NHS: variants seen among roughly 807,000 people sequenced by gnomAD.
NHS encodes NHS actin remodeling regulator, also known as actin remodeling regulator NHS.
Under a neutral mutation model 72.5 loss-of-function variants are expected in NHS, and 5 were observed. The ratio of observed to expected loss-of-function variants is 0.07; its 90% CI spans 0.04 to 0.14. The LOEUF is 0.14. Among genes scored for constraint, NHS ranks in the 10% least tolerant of loss-of-function variants. NHS has a pLI of 1.00. For missense variants in NHS, 1,072 were observed against 1,355.7 expected (o/e 0.79, Z 3.29); for synonymous variants, 464 against 547.7 (o/e 0.85, Z 2.13).
At chrX:17,458,092 A>G (rs1363434438) in intron 1 of NHS, among the ~76,000 whole-genome samples, 4 of 112,149 alleles carry the variant, frequency 3.6e-5, no homozygotes, top group African/African-American at 1.3e-4. Flanking sequence ...ATGGAGATAT[A>G]TGCATACAGC....
At chrX:17,612,888 C>T (rs937075584) in intron 1 of NHS, among the ~76,000 whole-genome samples, 5 of 111,589 alleles carry the variant, frequency 4.5e-5, no homozygotes, top group Non-Finnish European at 7.5e-5. Flanking sequence ...CCTTGCAAGG[C>T]ATTTCTCTCC....
At chrX:17,674,789 CA>C (rs2147102324) in intron 1 of NHS, among the ~76,000 whole-genome samples, 1 of 112,024 alleles carries the variant, frequency 8.9e-6, no homozygotes, top group Non-Finnish European at 1.9e-5. Context: ...TTCTGGAGAT[CA>C]AAGGCTCTCC....
intron 1 of NHS, among the ~76,000 whole-genome samples, chrX:17,485,748 A>C (rs1372086952): frequency 9.0e-6 from 1 of 111,547 alleles, no homozygotes; most frequent in East Asian, 2.8e-4. Context: ...GGAGAAATGC[A>C]ACTTACTGCC....
intron 1 of NHS, among the ~76,000 whole-genome samples, chrX:17,578,001 A>G (rs1399402165): frequency 8.9e-6 from 1 of 112,345 alleles, no homozygotes; most frequent in Non-Finnish European, 1.9e-5. Context: ...TTCATTCAAC[A>G]AACTTGTTTG....
At chrX:17,437,646 C>A (rs952292651) in intron 1 of NHS, among the ~76,000 whole-genome samples, 2 of 111,648 alleles carry the variant, frequency 1.8e-5, no homozygotes, top group African/African-American at 6.5e-5. Context: ...AGTTGACATT[C>A]GGGTTTTCCT....
In NHS at chrX:17,392,282, A is replaced by G. The variant is rs753134103; in HGVS notation, c.565+15960A>G. ...GCCTGGGTTCCTGAATCACCACATG[A>G]AAGGCTATCTGCCAACACTTGATTT... is the stretch of plus-strand genomic sequence containing the variant. On this transcript the variant is annotated intron_variant, in intron 1 of 8. Transcript: ENST00000676302. 5.3e-5 allele frequency among the ~76,000 whole-genome samples: 6 copies of G among 112,189 alleles called. 1 individual carries two copies. In the South Asian group the frequency reaches 2.3e-3, roughly 42 times the overall value.
intron 3 of NHS, among the ~76,000 whole-genome samples, chrX:17,702,030 C>T (rs184393636): frequency 7.2e-5 from 8 of 110,974 alleles, no homozygotes; most frequent in Non-Finnish European, 1.3e-4. Context: ...ATGGATTTCC[C>T]TACGGGGGAT....
chrX:17,706,908 C>G (rs909173488), intron 3 of NHS, among the ~76,000 whole-genome samples: 1 of 111,930 alleles, frequency 8.9e-6, no homozygotes, highest in Admixed American at 9.5e-5. Context: ...TCTTCTCTTT[C>G]GCAAGCCTAA....
intron 1 of NHS, among the ~76,000 whole-genome samples, chrX:17,477,801 G>A (rs745984647): frequency 6.2e-5 from 7 of 112,162 alleles, no homozygotes; most frequent in African/African-American, 1.6e-4. Context: ...TTCAAGGGAT[G>A]GAGAAATAGA....
At chrX:17,593,788 C>G in intron 1 of NHS, among the ~76,000 whole-genome samples, 1 of 111,508 alleles carries the variant, frequency 9.0e-6, no homozygotes, top group Non-Finnish European at 1.9e-5. Flanking sequence ...ATCCACAATA[C>G]CTGGCTCACA....
At chrX:17,582,699 T>C (rs2065550446) in intron 1 of NHS, among the ~76,000 whole-genome samples, 1 of 112,648 alleles carries the variant, frequency 8.9e-6, no homozygotes, top group Admixed American at 9.3e-5. Context: ...GGGGGCTAAG[T>C]GCTCAGGGGT....
chrX:17,438,002 C>T (rs180882902), intron 1 of NHS, among the ~76,000 whole-genome samples: 21 of 112,028 alleles, frequency 1.9e-4, no homozygotes, highest in Admixed American at 1.4e-3. Flanking sequence ...GTGATAAATA[C>T]GATTTTTATT....
intron 1 of NHS, among the ~76,000 whole-genome samples, chrX:17,538,046 G>C (rs2065238206): frequency 8.9e-6 from 1 of 112,080 alleles, no homozygotes; most frequent in Non-Finnish European, 1.9e-5. Context: ...CTTGCGGAAG[G>C]CCAAGCATTC....
At chrX:17,526,579 G>A (rs900095304) in intron 1 of NHS, among the ~76,000 whole-genome samples, 3 of 111,922 alleles carry the variant, frequency 2.7e-5, no homozygotes, top group Non-Finnish European at 5.6e-5. Context: ...CTCGATGGGA[G>A]GGCTTACAAG....
intron 1 of NHS, among the ~76,000 whole-genome samples, chrX:17,504,364 C>T (rs1437972858): frequency 1.8e-5 from 2 of 112,012 alleles, no homozygotes; most frequent in Admixed American, 1.9e-4. Context: ...TTGAGATTCT[C>T]AGCTAACAAG....
chrX:17,492,192 C>T (rs1342788631), intron 1 of NHS, among the ~76,000 whole-genome samples: 1 of 111,295 alleles, frequency 9.0e-6, no homozygotes, highest in Non-Finnish European at 1.9e-5. Context: ...AATTTGATTG[C>T]TCTTGCTTCT....
At chrX:17,382,511 C>T (rs1321421340) in intron 1 of NHS, among the ~76,000 whole-genome samples, 3 of 112,295 alleles carry the variant, frequency 2.7e-5, no homozygotes, top group African/African-American at 9.7e-5. Flanking sequence ...GAAGATATCT[C>T]AAAAGTTCTA....
chrX:17,727,921 A>G lies in NHS; in HGVS notation c.3815A>G (p.Glu1272Gly). The change falls in exon 7 of 9, where the codon GAA (glutamate) becomes GGA (glycine). Residue 1272 changes from glutamate (E) to glycine (G), a missense_variant. Coordinates refer to ENST00000676302, the MANE Select transcript of NHS (RefSeq NM_001291867.2). ...ACCAAAAACTGTGCTTTTCCCACAG[A>G]AGGATTTCAGAGGGTCTCTGCTGCC... is the stretch of plus-strand genomic sequence containing the variant. ...TPTKNCAFPT[E>G]GFQRVSAARP... 1.7e-6 allele frequency: 2 copies of G among 1,211,829 alleles called. No individual in the cohort carries two copies. Among genetic ancestry groups the G allele is most frequent in the Non-Finnish European group, 2.2e-6 (2 of 895,588 alleles).
At position 17,724,339 on chromosome X, in the gene NHS, G is replaced by A. The variant is rs774962038; in HGVS notation, c.1149G>A (p.Leu383=). The A allele has an allele frequency of 1.7e-6, 2 of 1,210,088 alleles. No homozygotes were observed. Among genetic ancestry groups the A allele is most frequent in the African/African-American group, 3.5e-5 (2 of 57,195 alleles). The change falls in exon 6 of 9, where the codon CTG becomes CTA. Residue 383 remains leucine (L), a synonymous_variant. Coordinates refer to ENST00000676302, the MANE Select transcript of NHS (RefSeq NM_001291867.2). ...GAGAGGCTAGTATACGCTGCTCTCT[G>A]GTTCATTCACAATCGGTACTACAGC... ...FDREASIRCS[L]VHSQSVLQRR...
Sources: allele counts gnomAD v4.1 joint callset (sites outside exome capture counted in the v4.1 genomes callset), GRCh38; gene constraint gnomAD v4.1.1; transcripts MANE v1.5; gene names NCBI Gene and HGNC (gene_info 2026-07-23, HGNC 2026-07-21).